Variants in NUBPL observed in about 807,000 individuals in gnomAD.
NUBPL encodes the protein iron-sulfur cluster transfer protein NUBPL.
In NUBPL, 31 loss-of-function variants were observed where a neutral mutation model predicts 45.7. The ratio of observed to expected loss-of-function variants is 0.68; its 90% confidence interval spans 0.51 to 0.92. NUBPL has a LOEUF of 0.92. Ranked by LOEUF, NUBPL falls within the 40% of genes least tolerant of loss-of-function variation. The pLI is 0.00. For missense variants in NUBPL, 401 were observed against 398.7 expected (o/e 1.01, Z -0.05); for synonymous variants, 144 against 140.9 (o/e 1.02, Z -0.15).
intron 7 of NUBPL, among the ~76,000 whole-genome samples, chr14:31,798,636 C>CA (rs2039516653): frequency 6.6e-6 from 1 of 150,848 alleles, no homozygotes; most frequent in Non-Finnish European, 1.5e-5. Flanking sequence ...ACTAAAAAAA[C>CA]AAAAAATTAG....
At chr14:31,648,619 T>C (rs1199361668) in intron 4 of NUBPL, among the ~76,000 whole-genome samples, 1 of 152,246 alleles carries the variant, frequency 6.6e-6, no homozygotes, top group East Asian at 1.9e-4. Flanking sequence ...GTTAGCTTTG[T>C]TATTTTAACT....
chr14:31,790,125 G>C (rs1158047175), intron 7 of NUBPL, among the ~76,000 whole-genome samples: 2 of 152,092 alleles, frequency 1.3e-5, no homozygotes, highest in African/African-American at 2.4e-5. Flanking sequence ...GTAGTGACTT[G>C]GCACCTTGAA....
chr14:31,598,966 C>G (rs1303373549), intron 3 of NUBPL, among the ~76,000 whole-genome samples: 1 of 152,162 alleles, frequency 6.6e-6, no homozygotes, highest in Non-Finnish European at 1.5e-5. Context: ...TTCTCAAACT[C>G]ATGTTCAGAT....
At chr14:31,596,045 C>A (rs1248671584) in intron 3 of NUBPL, among the ~76,000 whole-genome samples, 1 of 151,622 alleles carries the variant, frequency 6.6e-6, no homozygotes, top group African/African-American at 2.4e-5. Context: ...TAGCTGGGAC[C>A]ACAGGTGCCC....
chr14:31,788,167 GA>G (rs1030903198), intron 7 of NUBPL, among the ~76,000 whole-genome samples: 1 of 152,188 alleles, frequency 6.6e-6, no homozygotes, highest in Admixed American at 6.5e-5. Flanking sequence ...ATTTATTGAA[GA>G]AAGTACATGC....
chr14:31,724,250 A>G (rs2037872249), intron 6 of NUBPL, among the ~76,000 whole-genome samples: 1 of 152,240 alleles, frequency 6.6e-6, no homozygotes, highest in Non-Finnish European at 1.5e-5. Context: ...GAAGAAGGAA[A>G]TTATAATGCC....
chr14:31,767,239 C>T (rs2038930603), intron 6 of NUBPL, among the ~76,000 whole-genome samples: 1 of 152,088 alleles, frequency 6.6e-6, no homozygotes, highest in Admixed American at 6.6e-5. Flanking sequence ...TTCGCTCTTT[C>T]AGCTCTTGGC....
chr14:31,676,728 CTGTT>C (rs1177657346), intron 6 of NUBPL, among the ~76,000 whole-genome samples: 3 of 151,612 alleles, frequency 2.0e-5, no homozygotes, highest in African/African-American at 7.3e-5. Flanking sequence ...TGTGACGTGT[CTGTT>C]CAAGTCTTCT....
At chr14:31,735,027 A>G (rs2038135498) in intron 6 of NUBPL, among the ~76,000 whole-genome samples, 1 of 151,960 alleles carries the variant, frequency 6.6e-6, no homozygotes, top group Non-Finnish European at 1.5e-5. Flanking sequence ...TTGGGAGGGA[A>G]AGAAGATTGT....
At chr14:31,757,091 G>T (rs1037055261) in intron 6 of NUBPL, among the ~76,000 whole-genome samples, 1 of 151,886 alleles carries the variant, frequency 6.6e-6, no homozygotes, top group Non-Finnish European at 1.5e-5. Context: ...TGTGCTGCTG[G>T]ATTCGGTTTG....
intron 3 of NUBPL, among the ~76,000 whole-genome samples, chr14:31,593,933 A>C (rs1025072870): frequency 1.3e-5 from 2 of 152,116 alleles, no homozygotes; most frequent in African/African-American, 4.8e-5. Context: ...AGATGAGGTG[A>C]AAGAGGTATG....
At chr14:31,753,731 G>A (rs374885270) in intron 6 of NUBPL, among the ~76,000 whole-genome samples, 5 of 152,108 alleles carry the variant, frequency 3.3e-5, no homozygotes, top group African/African-American at 9.7e-5. Context: ...TTCCTATCCC[G>A]GGCTCAGGGC....
At chr14:31,636,125 A>G (rs1036278016) in intron 4 of NUBPL, among the ~76,000 whole-genome samples, 27 of 152,068 alleles carry the variant, frequency 1.8e-4, no homozygotes, top group African/African-American at 5.8e-4. Flanking sequence ...TTCCAACACT[A>G]TGTTGAATAG....
At chr14:31,727,334 T>A (rs1482824491) in intron 6 of NUBPL, among the ~76,000 whole-genome samples, 2 of 152,338 alleles carry the variant, frequency 1.3e-5, no homozygotes, top group East Asian at 3.9e-4. Flanking sequence ...CATATTTCTC[T>A]TATATTGTTT....
At chr14:31,685,101 T>G (rs1177315806) in intron 6 of NUBPL, among the ~76,000 whole-genome samples, 1 of 152,210 alleles carries the variant, frequency 6.6e-6, no homozygotes, top group Non-Finnish European at 1.5e-5. Context: ...TTTTCAAATT[T>G]CAGCTCACAC....
intron 4 of NUBPL, among the ~76,000 whole-genome samples, chr14:31,622,132 C>G (rs2035078977): frequency 6.6e-6 from 1 of 152,072 alleles, no homozygotes; most frequent in African/African-American, 2.4e-5. Context: ...GGCATTTTGC[C>G]CCTGCCCTAG....
At chr14:31,762,236 C>G (rs2115954) in intron 6 of NUBPL, among the ~76,000 whole-genome samples, 151,704 of 152,330 alleles carry the variant, frequency 1, 75,543 homozygotes, top group Middle Eastern at 1. Context: ...TAGTACTGCT[C>G]AATCATTTGG....
At chr14:31,809,078 C>CTT (rs138922498) in intron 7 of NUBPL, among the ~76,000 whole-genome samples, 2 of 151,966 alleles carry the variant, frequency 1.3e-5, no homozygotes, top group East Asian at 1.9e-4. Flanking sequence ...CTAAAATTCT[C>CTT]TTTTTTTGTT....
At chr14:31,610,254 A>G (rs1242155192) in intron 4 of NUBPL, among the ~76,000 whole-genome samples, 1 of 152,076 alleles carries the variant, frequency 6.6e-6, no homozygotes, top group East Asian at 1.9e-4. Context: ...CAGAAATTCA[A>G]AGGATCATTA....
Sources: gnomAD v4.1 joint callset for allele counts (sites outside exome capture counted in the v4.1 genomes callset) on GRCh38, gnomAD v4.1.1 for gene constraint, MANE v1.5 for transcripts, NCBI Gene and HGNC (gene_info 2026-07-23, HGNC 2026-07-21) for gene names.